TRAK2: variants seen among roughly 807,000 people sequenced by gnomAD.
TRAK2 encodes trafficking kinesin protein 2.
A neutral mutation model predicts 104.6 loss-of-function variants in TRAK2; 81 were observed. The ratio of observed to expected loss-of-function variants is 0.77; its 90% CI spans 0.65 to 0.93. The LOEUF (loss-of-function observed/expected upper bound fraction) is 0.93, where lower values mean the gene tolerates loss of function less well. Among genes scored for constraint, TRAK2 ranks in the 40% least tolerant of loss-of-function variants. The pLI is 0.00. For synonymous variants in TRAK2, 406 were observed against 394.4 expected (o/e 1.03, Z -0.35); for missense variants, 1,002 against 1,089.0 (o/e 0.92, Z 1.12).
chr2:201,401,080 T>C lies in TRAK2; in HGVS notation c.301A>G (p.Arg101Gly). ...TFRYMILGTD[R>G]VEQMTKTYND... Reference sequence around the variant, plus strand: ...TAAGTTTTGGTCATCTGCTCCACCCTGTCTGTGCCTAGAACTAATATAGTT... The same window carrying C: ...TAAGTTTTGGTCATCTGCTCCACCCCGTCTGTGCCTAGAACTAATATAGTT... The change falls in exon 4 of 16, where the codon AGG becomes GGG. Residue 101 changes from arginine (R) to glycine (G), a missense_variant. Arg to Gly is a moderately radical substitution (Grantham distance 125). Coordinates refer to ENST00000332624, the MANE Select transcript of TRAK2 (RefSeq NM_015049.3). 1 of 1,608,522 alleles carries C rather than the reference T, an allele frequency of 6.2e-7. No individual in the cohort carries two copies. Among genetic ancestry groups the C allele is most frequent in the Non-Finnish European group, 8.5e-7 (1 of 1,176,418 alleles).
At chr2:201,445,313 T>G (rs1397656893) in intron 1 of TRAK2, among the ~76,000 whole-genome samples, 2 of 152,172 alleles carry the variant, frequency 1.3e-5, no homozygotes, top group Non-Finnish European at 2.9e-5. Context: ...AAACAGCTGT[T>G]CATTGAACAG....
chr2:201,436,094 AT>A (rs758508975), intron 1 of TRAK2, among the ~76,000 whole-genome samples: 1 of 152,092 alleles, frequency 6.6e-6, no homozygotes, highest in Non-Finnish European at 1.5e-5. Context: ...TAGTTACCAT[AT>A]TTTTTATTTT....
At chr2:201,443,708 C>T (rs1951942959) in intron 1 of TRAK2, among the ~76,000 whole-genome samples, 1 of 152,076 alleles carries the variant, frequency 6.6e-6, no homozygotes, top group Non-Finnish European at 1.5e-5. Context: ...GTACACCCTA[C>T]TACCAATATA....
In TRAK2 at chr2:201,377,880, G is replaced by GAAAAA; in HGVS notation, c.*2658_*2662dup. 1 of 138,664 alleles carries GAAAAA rather than the reference G, an allele frequency of 7.2e-6. No homozygotes were observed. The highest frequency in any genetic ancestry group is 1.6e-5 in the Non-Finnish European group (1 of 63,404). The allele number at this position is 138,664 out of a possible 1,614,324, so 8.6% of individuals were successfully genotyped here. On this transcript the variant is annotated 3_prime_UTR_variant, in exon 16 of 16. Transcript: ENST00000332624. ...AATCACTGAAAACCTTCTTAAAGGC[G>GAAAAA]AAAAAAAAAAAAGATTGAGGTTTCC...
At chr2:201,391,195 T>C (rs576304408) in intron 10 of TRAK2, among the ~76,000 whole-genome samples, 9 of 152,030 alleles carry the variant, frequency 5.9e-5, no homozygotes, top group African/African-American at 2.2e-4. Context: ...AAGTACAAGA[T>C]CAGCTTAAAG....
chr2:201,427,071 T>A lies in TRAK2; in HGVS notation c.-199-6365A>T, dbSNP rs180896408. ...GTCAGACATGAGAACTAAATAAAAA[T>A]GACAAATTCCTAGTTTGGTACCCAA... On this transcript the variant is annotated intron_variant, in intron 1 of 15. Coordinates refer to ENST00000332624, the MANE Select transcript of TRAK2 (RefSeq NM_015049.3). 4.5e-4 allele frequency among the ~76,000 whole-genome samples: 68 copies of A among 152,272 alleles called. No individual in the cohort carries two copies. The East Asian group carries it at 0.012, about 27-fold the overall frequency.
At chr2:201,382,190 G>T (rs1256959949) in intron 15 of TRAK2, among the ~76,000 whole-genome samples, 2 of 152,072 alleles carry the variant, frequency 1.3e-5, no homozygotes, top group African/African-American at 4.8e-5. Flanking sequence ...ATGCTTAGTC[G>T]AAAAGAAAAA....
Position 201,380,630 on chromosome 2 carries a change from C to T in TRAK2, c.2658G>A (p.Arg886=). 6.2e-7 allele frequency: 1 copy of T among 1,614,068 alleles called. No individual in the cohort carries two copies. The highest frequency in any genetic ancestry group is 1.1e-5 in the South Asian group (1 of 91,084). The change falls in exon 16 of 16, where the codon AGG becomes AGA. Residue 886 remains arginine (R), a synonymous_variant. Coordinates refer to ENST00000332624, the MANE Select transcript of TRAK2 (RefSeq NM_015049.3). ...CCATTATGACTGGAAGACTCTGATTCCTCCTTAGTCCACCTAATAAACTGC... is the reference window on the plus strand; with the variant it reads ...CCATTATGACTGGAAGACTCTGATTTCTCCTTAGTCCACCTAATAAACTGC... The part of the protein sequence containing the change: ...SGSSLLGGLR[R]NQSLPVIMGS...
At chr2:201,414,558 C>T (rs1951675793) in intron 2 of TRAK2, among the ~76,000 whole-genome samples, 1 of 152,180 alleles carries the variant, frequency 6.6e-6, no homozygotes, top group Admixed American at 6.5e-5. Context: ...CATCCCTATT[C>T]ACCCAGAAGG....
chr2:201,420,274 G>A (rs1252105409), intron 2 of TRAK2, 143 bp downstream of exon 2: 3 of 640,812 alleles, frequency 4.7e-6, no homozygotes, highest in Non-Finnish European at 8.2e-6. Context: ...GGGATGGAGA[G>A]ATTAATTCAG....
chr2:201,390,398 C>CAAAAAAAAAAA (rs35677800), intron 10 of TRAK2, among the ~76,000 whole-genome samples: 1 of 130,386 alleles, frequency 7.7e-6, no homozygotes, highest in Non-Finnish European at 1.6e-5. Flanking sequence ...CAAAAAAATA[C>CAAAAAAAAAAA]AAAAAAAAAA....
intron 1 of TRAK2, among the ~76,000 whole-genome samples, chr2:201,435,347 C>T (rs1951873526): frequency 6.6e-6 from 1 of 152,192 alleles, no homozygotes; most frequent in Non-Finnish European, 1.5e-5. Context: ...CAAGAGCTAC[C>T]ATGCCTGGCC....
At chr2:201,401,766 TG>T (rs1177288417) in intron 3 of TRAK2, among the ~76,000 whole-genome samples, 4 of 152,076 alleles carry the variant, frequency 2.6e-5, no homozygotes, top group Non-Finnish European at 5.9e-5. Context: ...GTTCAGGAAT[TG>T]TCAATGTACC....
At chr2:201,389,048 T>C (rs1024377363) in intron 12 of TRAK2, among the ~76,000 whole-genome samples, 1 of 152,010 alleles carries the variant, frequency 6.6e-6, no homozygotes, top group Non-Finnish European at 1.5e-5. Flanking sequence ...ACCAAAGCGG[T>C]TGAGATTATG....
intron 2 of TRAK2, chr2:201,411,901 G>C: frequency 9.6e-7 from 1 of 1,036,982 alleles, no homozygotes; most frequent in Non-Finnish European, 1.5e-6. Context: ...GATTTGCAAA[G>C]GTTGGAATGA....
intron 1 of TRAK2, among the ~76,000 whole-genome samples, chr2:201,443,374 A>G (rs1458006933): frequency 6.6e-6 from 1 of 152,132 alleles, no homozygotes; most frequent in African/African-American, 2.4e-5. Context: ...TCCTGGAGAG[A>G]GAGAGATCTT....
At chr2:201,408,695 G>A (rs890778255) in intron 2 of TRAK2, among the ~76,000 whole-genome samples, 1 of 152,186 alleles carries the variant, frequency 6.6e-6, no homozygotes, top group Non-Finnish European at 1.5e-5. Context: ...TAAAAATAAA[G>A]TGAAAGAGGT....
At position 201,380,456 on chromosome 2, in the gene TRAK2, C is replaced by G; in HGVS notation, c.*87G>C. The G allele has an allele frequency of 7.5e-7, 1 of 1,328,046 alleles. No individual in the cohort carries two copies. Among genetic ancestry groups the G allele is most frequent in the Non-Finnish European group, 1.0e-6 (1 of 966,674 alleles). The allele number at this position is 1,328,046 out of a possible 1,614,324, so 82.3% of individuals were successfully genotyped here. ...ACAACCCTTGTGCAACATTCCTTTT[C>G]TCTCAAGTCAGACCAGACCACATGT... On this transcript the variant is annotated 3_prime_UTR_variant, in exon 16 of 16. Transcript: ENST00000332624.
intron 2 of TRAK2, chr2:201,411,880 G>T: frequency 9.9e-7 from 1 of 1,013,048 alleles, no homozygotes; most frequent in Non-Finnish European, 1.6e-6. Flanking sequence ...TTCATGATGG[G>T]TAGTCTATAA....
Sources: gnomAD v4.1 joint callset for allele counts (sites outside exome capture counted in the v4.1 genomes callset) on GRCh38, gnomAD v4.1.1 for gene constraint, MANE v1.5 for transcripts, NCBI Gene and HGNC (gene_info 2026-07-23, HGNC 2026-07-21) for gene names.